The following TENM4 variants were observed in gnomAD, a reference collection of about 807,000 sequenced individuals.
The protein encoded by TENM4 is teneurin-4.
TENM4 carries 82 observed loss-of-function variants against 243.3 expected under a neutral mutation model. The ratio of observed to expected loss-of-function variants is 0.34; its 90% CI spans 0.28 to 0.40. TENM4 has a LOEUF of 0.40. Among genes scored for constraint, TENM4 ranks in the 10% least tolerant of loss-of-function variants. The probability of loss-of-function intolerance (pLI) is 1.00; values close to 1 mark genes in which losing one functional copy is unlikely to be tolerated. For synonymous variants in TENM4, 1,412 were observed against 1,456.3 expected, an observed-to-expected ratio of 0.97 and a Z score of 0.69; for missense variants, 3,138 against 3,673.3, an observed-to-expected ratio of 0.85 and a Z score of 3.77.
intron 1 of TENM4, among the ~76,000 whole-genome samples, chr11:79,363,021 A>G (rs1857617436): frequency 6.6e-6 from 1 of 152,224 alleles, no homozygotes; most frequent in Admixed American, 6.5e-5. Context: ...TGACAAGCAG[A>G]TCATTGGACA....
intron 3 of TENM4, among the ~76,000 whole-genome samples, chr11:79,169,039 C>G (rs1478131449): frequency 1.3e-5 from 2 of 152,228 alleles, no homozygotes; most frequent in Admixed American, 1.3e-4. Context: ...CATCCCCTTT[C>G]ACCCAGGACC....
chr11:78,891,480 C>A (rs10736817), intron 7 of TENM4, 144 bp from the exon 8 acceptor site: 416,161 of 683,498 alleles, frequency 0.61, 135,161 homozygotes, highest in East Asian at 0.79. Context: ...GGTCAGTGTG[C>A]AAGCCACATG....
At chr11:78,926,299 C>T (rs1856549694) in intron 6 of TENM4, among the ~76,000 whole-genome samples, 2 of 123,134 alleles carry the variant, frequency 1.6e-5, no homozygotes, top group African/African-American at 3.1e-5. Context: ...TTTTTTGAGG[C>T]AGAGTCTTTC....
At chr11:79,164,466 T>A (rs576734394) in intron 3 of TENM4, among the ~76,000 whole-genome samples, 5 of 129,134 alleles carry the variant, frequency 3.9e-5, no homozygotes, top group Non-Finnish European at 7.7e-5. Flanking sequence ...AGTATATATA[T>A]AGTGTATATA....
intron 31 of TENM4, among the ~76,000 whole-genome samples, chr11:78,670,805 A>G (rs1238634190): frequency 6.6e-6 from 1 of 152,168 alleles, no homozygotes; most frequent in Non-Finnish European, 1.5e-5. Context: ...GCACACCTGT[A>G]ACCTACCTGG....
intron 20 of TENM4, among the ~76,000 whole-genome samples, chr11:78,737,023 A>G (rs1855815308): frequency 1.3e-5 from 2 of 152,228 alleles, no homozygotes; most frequent in South Asian, 4.1e-4. Context: ...GGTGTGTTTT[A>G]TGAATCTACT....
chr11:79,106,813 CTT>C (rs896937662), intron 4 of TENM4, among the ~76,000 whole-genome samples: 9 of 152,212 alleles, frequency 5.9e-5, no homozygotes, highest in African/African-American at 2.2e-4. Flanking sequence ...CTGTTGGTAA[CTT>C]TACCTCTTCA....
At chr11:79,104,050 T>C (rs1052639053) in intron 4 of TENM4, among the ~76,000 whole-genome samples, 43 of 152,310 alleles carry the variant, frequency 2.8e-4, no homozygotes, top group African/African-American at 1.0e-3. Flanking sequence ...TGGGTCTCTC[T>C]TCCCTATTTT....
chr11:79,308,809 C>A (rs1173988203), intron 1 of TENM4, among the ~76,000 whole-genome samples: 4 of 152,206 alleles, frequency 2.6e-5, no homozygotes, highest in Non-Finnish European at 1.5e-5. Context: ...TTTCACTTCT[C>A]TGGGCCTTAG....
intron 3 of TENM4, among the ~76,000 whole-genome samples, chr11:79,158,941 G>A (rs912734951): frequency 6.6e-6 from 1 of 152,148 alleles, no homozygotes; most frequent in Non-Finnish European, 1.5e-5. Flanking sequence ...AATAACCCTA[G>A]TATATGGTAG....
At chr11:79,127,036 C>A (rs1861893555) in intron 4 of TENM4, among the ~76,000 whole-genome samples, 1 of 152,178 alleles carries the variant, frequency 6.6e-6, no homozygotes, top group South Asian at 2.1e-4. Flanking sequence ...TCAGATCTGA[C>A]TTATAGTGGG....
intron 4 of TENM4, among the ~76,000 whole-genome samples, chr11:79,088,655 A>C (rs1860874477): frequency 6.6e-6 from 1 of 152,206 alleles, no homozygotes; most frequent in African/African-American, 2.4e-5. Context: ...ACTATTGCTA[A>C]GTATTATCAA....
chr11:79,205,914 T>G (rs1192480315), intron 3 of TENM4, among the ~76,000 whole-genome samples: 1 of 152,240 alleles, frequency 6.6e-6, no homozygotes, highest in East Asian at 1.9e-4. Context: ...GCCACCGTGC[T>G]GAGAAGAGGG....
In TENM4 at chr11:78,916,759, T is replaced by A. The variant is rs112376684; in HGVS notation, c.494-13236A>T. On this transcript the variant is annotated intron_variant, in intron 6 of 33. Transcript: ENST00000278550. ...TCTACTCACATCTTTGTTTATGAAATTTTTCAATTTTTTTCAATGATGGGA... is the reference window on the plus strand; with the variant it reads ...TCTACTCACATCTTTGTTTATGAAAATTTTCAATTTTTTTCAATGATGGGA... Among the ~76,000 whole-genome samples, 459 of 152,188 alleles carry A rather than the reference T, an allele frequency of 3.0e-3. 3 individuals are homozygous for A. The highest frequency in any genetic ancestry group is 0.011 in the African/African-American group (437 of 41,524).
At chr11:79,262,367 A>C (rs1212601879) in intron 2 of TENM4, among the ~76,000 whole-genome samples, 1 of 152,204 alleles carries the variant, frequency 6.6e-6, no homozygotes, top group East Asian at 1.9e-4. Flanking sequence ...CTGACACTCC[A>C]ATCTGGACTC....
At position 78,820,557 on chromosome 11, in the gene TENM4, A is replaced by C. The variant is rs575639138; in HGVS notation, c.1682-6162T>G. Among the ~76,000 whole-genome samples the C allele has an allele frequency of 5.5e-4, 84 of 152,248 alleles. 1 individual carries two copies. Among genetic ancestry groups the C allele is most frequent in the Non-Finnish European group, 9.7e-4 (66 of 68,038 alleles). ...GCTGTGCATGTAAAGAGGTTGGCCCAGGACCTGGCAGAGCTGGTATTTTGG... is the reference window on the plus strand; with the variant it reads ...GCTGTGCATGTAAAGAGGTTGGCCCCGGACCTGGCAGAGCTGGTATTTTGG... On this transcript the variant is annotated intron_variant, in intron 12 of 33. Coordinates refer to ENST00000278550, the MANE Select transcript of TENM4 (RefSeq NM_001098816.3).
chr11:78,881,731 G>C (rs1359389418), intron 9 of TENM4, among the ~76,000 whole-genome samples: 1 of 152,174 alleles, frequency 6.6e-6, no homozygotes, highest in Non-Finnish European at 1.5e-5. Context: ...CTATCATGGG[G>C]AGGCTCTGCA....
intron 15 of TENM4, among the ~76,000 whole-genome samples, chr11:78,802,054 C>T (rs753297750): frequency 6.6e-5 from 10 of 152,132 alleles, no homozygotes; most frequent in Non-Finnish European, 1.5e-4. Flanking sequence ...GCAACTCTTC[C>T]CCCAAAAAGC....
chr11:79,180,313 G>A (rs1409635834), intron 3 of TENM4, among the ~76,000 whole-genome samples: 1 of 151,712 alleles, frequency 6.6e-6, no homozygotes, highest in Non-Finnish European at 1.5e-5. Flanking sequence ...TGGCCATGAG[G>A]TAGACAGTCA....
Sources: gnomAD v4.1 joint callset for allele counts (sites outside exome capture counted in the v4.1 genomes callset) on GRCh38, gnomAD v4.1.1 for gene constraint, MANE v1.5 for transcripts, NCBI Gene and HGNC (gene_info 2026-07-23, HGNC 2026-07-21) for gene names.